The following AFF4 variants were observed in gnomAD, a reference collection of about 807,000 sequenced individuals.
AFF4 encodes ALF transcription elongation factor 4.
Under a neutral mutation model 124.8 loss-of-function variants are expected in AFF4, and 13 were observed. The ratio of observed to expected loss-of-function variants is 0.10; its 90% confidence interval spans 0.07 to 0.17. The LOEUF is 0.17. AFF4 is among the 10% of genes least tolerant of loss of function. The pLI, the probability that AFF4 is intolerant of heterozygous loss-of-function variation, is 1.00. For synonymous variants in AFF4, 477 were observed against 496.1 expected, an observed-to-expected ratio of 0.96 and a Z score of 0.51; for missense variants, 1,092 against 1,403.8, an observed-to-expected ratio of 0.78 and a Z score of 3.55.
chr5:132,906,042 C>T (rs1253466834), intron 5 of AFF4, among the ~76,000 whole-genome samples: 2 of 152,170 alleles, frequency 1.3e-5, no homozygotes, highest in Admixed American at 1.3e-4. Flanking sequence ...TCACACCTGT[C>T]ATCACGGAAA....
chr5:132,897,345 A>G, intron 10 of AFF4, 105 bp from the exon 11 acceptor site: 2 of 1,181,278 alleles, frequency 1.7e-6, no homozygotes, highest in East Asian at 4.7e-5. Context: ...TGCCTAATGC[A>G]ACAAAAGCAA....
At position 132,876,722 on chromosome 5, in the gene AFF4, G is replaced by C. The variant is rs1305593725; in HGVS notation, c.*4337C>G. On this transcript the variant is annotated 3_prime_UTR_variant, in exon 21 of 21. Coordinates refer to ENST00000265343, the MANE Select transcript of AFF4 (RefSeq NM_014423.4). ...CCATTCCCTTTTCTGGAGACAGCAAGTTCTTTCTAATTAACCATAGGGTTC... is the reference window on the plus strand; with the variant it reads ...CCATTCCCTTTTCTGGAGACAGCAACTTCTTTCTAATTAACCATAGGGTTC... The C allele has an allele frequency of 5.1e-6, 1 of 196,952 alleles. No individual in the cohort carries two copies. The highest frequency in any genetic ancestry group is 7.9e-5 in the East Asian group (1 of 12,656). 12.2% of individuals were successfully genotyped at this position (196,952 alleles called of 1,614,324 possible). A position where few individuals can be genotyped will look rare whatever the true frequency, so the allele number is the denominator to read the frequency against.
chr5:132,920,196 C>G (rs1761010571), intron 5 of AFF4, among the ~76,000 whole-genome samples: 1 of 151,702 alleles, frequency 6.6e-6, no homozygotes, highest in African/African-American at 2.4e-5. Context: ...ATTACAGATG[C>G]CCGCCACCAT....
chr5:132,925,639 T>C (rs1010091798), intron 5 of AFF4, among the ~76,000 whole-genome samples: 6 of 152,144 alleles, frequency 3.9e-5, no homozygotes, highest in South Asian at 2.1e-4. Context: ...TAAGCAAATT[T>C]ACCCACAAAG....
chr5:132,910,516 T>A (rs1760770878), intron 5 of AFF4, among the ~76,000 whole-genome samples: 1 of 152,204 alleles, frequency 6.6e-6, no homozygotes, highest in Non-Finnish European at 1.5e-5. Flanking sequence ...TTGGACTTGG[T>A]ACATATAGTT....
intron 1 of AFF4, among the ~76,000 whole-genome samples, chr5:132,947,923 T>C (rs903768312): frequency 6.6e-6 from 1 of 152,234 alleles, no homozygotes; most frequent in Non-Finnish European, 1.5e-5. Context: ...AATAATGTAG[T>C]GAAAAACGTG....
rs926539370 is a variant in AFF4 at position 132,963,142 on chromosome 5, C to A, written c.-5+117G>T. ...GTGACGCCTGATTGAGCAGCCCCAG[C>A]CCGGAGGGTCTCCCCGAGGCTCCCC... On this transcript the variant is annotated intron_variant, in intron 1 of 20. Coordinates refer to ENST00000265343, the MANE Select transcript of AFF4 (RefSeq NM_014423.4). 71 of 358,724 alleles carry A rather than the reference C, an allele frequency of 2.0e-4. No individual in the cohort carries two copies. In the East Asian group the frequency reaches 2.9e-3, roughly 15 times the overall value. The allele number at this position is 358,724 out of a possible 1,614,324, so 22.2% of individuals were successfully genotyped here. A position where few individuals can be genotyped will look rare whatever the true frequency, so the allele number is the denominator to read the frequency against.
At chr5:132,910,861 C>A (rs1760778875) in intron 5 of AFF4, among the ~76,000 whole-genome samples, 1 of 152,182 alleles carries the variant, frequency 6.6e-6, no homozygotes, top group African/African-American at 2.4e-5. Flanking sequence ...CGTTCTATCT[C>A]CAGTGTCAAG....
intron 19 of AFF4, 83 bp from the exon 20 acceptor site, chr5:132,883,643 A>G (rs766786773): frequency 7.4e-6 from 9 of 1,217,700 alleles, no homozygotes; most frequent in Non-Finnish European, 1.0e-5. Context: ...TTCTACATGA[A>G]AGCATTTAAA....
At chr5:132,955,794 AAATAT>A (rs1258712249) in intron 1 of AFF4, among the ~76,000 whole-genome samples, 34 of 138,234 alleles carry the variant, frequency 2.5e-4, no homozygotes, top group Non-Finnish European at 3.7e-4. Flanking sequence ...AAAAAAAAAA[AAATAT>A]ATATATATAT....
chr5:132,922,790 A>C (rs556341609), intron 5 of AFF4, among the ~76,000 whole-genome samples: 131 of 151,778 alleles, frequency 8.6e-4, no homozygotes, highest in African/African-American at 3.0e-3. Flanking sequence ...AAAAAAAAAA[A>C]AAAAAACCAA....
chr5:132,880,343 G>A lies in AFF4; in HGVS notation c.*716C>T. 4 of 398,922 alleles carry A rather than the reference G, an allele frequency of 1.0e-5. No homozygotes were observed. Among genetic ancestry groups the A allele is most frequent in the Non-Finnish European group, 1.8e-5 (4 of 226,004 alleles). 24.7% of individuals were successfully genotyped at this position (398,922 alleles called of 1,614,324 possible). A position where few individuals can be genotyped will look rare whatever the true frequency, so the allele number is the denominator to read the frequency against. ...AAGCTATAGTCACTGTGTGATTGCT[G>A]TAGTGTTATTAACACACATTCACAG... On this transcript the variant is annotated 3_prime_UTR_variant, in exon 21 of 21. Transcript: ENST00000265343.
intron 7 of AFF4, among the ~76,000 whole-genome samples, 158 bp downstream of exon 7, chr5:132,902,284 G>A (rs527357543): frequency 3.5e-4 from 53 of 152,226 alleles, no homozygotes; most frequent in African/African-American, 1.2e-3. Context: ...CTGACCTCAC[G>A]TGATCTGCCT....
intron 1 of AFF4, among the ~76,000 whole-genome samples, chr5:132,950,999 C>A (rs1169849875): frequency 6.6e-6 from 1 of 152,170 alleles, no homozygotes; most frequent in Non-Finnish European, 1.5e-5. Flanking sequence ...CTAAGACGGG[C>A]AGATCACTTG....
At chr5:132,917,076 C>T (rs887216810) in intron 5 of AFF4, among the ~76,000 whole-genome samples, 1 of 151,836 alleles carries the variant, frequency 6.6e-6, no homozygotes, top group Non-Finnish European at 1.5e-5. Context: ...ATGTGCCACG[C>T]GCCCAGCTAA....
chr5:132,925,595 T>C (rs1324492014), intron 5 of AFF4, among the ~76,000 whole-genome samples: 4 of 152,064 alleles, frequency 2.6e-5, no homozygotes, highest in Non-Finnish European at 4.4e-5. Context: ...TAAAACTCAA[T>C]AGGTAAAAAA....
At position 132,934,705 on chromosome 5, in the gene AFF4, A is replaced by T; in HGVS notation, c.360T>A (p.Ser120=). 1 of 1,614,008 alleles carries T rather than the reference A, an allele frequency of 6.2e-7. No homozygotes were observed. The highest frequency in any genetic ancestry group is 1.1e-5 in the South Asian group (1 of 91,066). The change falls in exon 3 of 21, where the codon TCT becomes TCA. Residue 120 remains serine (S), a synonymous_variant. Transcript: ENST00000265343. The part of the protein sequence containing the change: ...PVGPAPSTSQ[S]QKRSSGLQSG... ...TCTGTAAGCCTGAGGACCGTTTCTG[A>T]GACTGAGAAGTGCTGGGTGCGGGTC...
rs1213428734 is a variant in AFF4 at position 132,898,372 on chromosome 5, T to C, written c.1247A>G (p.His416Arg). 5.6e-6 allele frequency: 9 copies of C among 1,614,016 alleles called. No homozygotes were observed. In the African/African-American group the frequency reaches 9.3e-5, roughly 17 times the overall value. ...TPGSNSEPSH[H>R]NSEGADNSRD... ...GGAGTTATCTGCTCCTTCACTATTA[T>C]GGTGTGAAGGTTCAGAGTTACTAAA... The change falls in exon 10 of 21, where the codon CAT becomes CGT. Residue 416 changes from histidine (H) to arginine (R), a missense_variant. By Grantham distance (29) the His-to-Arg change is conservative. Around this residue, in one of 11 missense-constraint regions of AFF4, gnomAD observed 148 missense variants for 196.3 expected, o/e 0.75. Coordinates refer to ENST00000265343, the MANE Select transcript of AFF4 (RefSeq NM_014423.4).
At chr5:132,907,714 G>C (rs1442622717) in intron 5 of AFF4, among the ~76,000 whole-genome samples, 1 of 151,888 alleles carries the variant, frequency 6.6e-6, no homozygotes, top group African/African-American at 2.4e-5. Flanking sequence ...AGGATATATA[G>C]GAAATAAACT....
Sources: allele counts gnomAD v4.1 joint callset (sites outside exome capture counted in the v4.1 genomes callset), GRCh38; gene constraint gnomAD v4.1.1; regional missense constraint gnomAD v4.1.1; transcripts MANE v1.5; gene names NCBI Gene and HGNC (gene_info 2026-07-23, HGNC 2026-07-21).